DPYSL5: variants seen among roughly 807,000 people sequenced by gnomAD.
The protein encoded by DPYSL5 is dihydropyrimidinase-related protein 5.
DPYSL5 carries 9 observed loss-of-function variants against 58.4 expected under a neutral mutation model. That is an observed-to-expected ratio of 0.15 (90% CI 0.09 to 0.27). DPYSL5 has a LOEUF of 0.27. Among genes scored for constraint, DPYSL5 ranks in the 10% least tolerant of loss-of-function variants. The pLI is 1.00. For synonymous variants in DPYSL5, 293 were observed against 301.9 expected, an observed-to-expected ratio of 0.97 and a Z score of 0.31; for missense variants, 499 against 770.6, an observed-to-expected ratio of 0.65 and a Z score of 4.17.
At chr2:26,856,956 C>CATATATAATATATG (rs1558319139) in intron 1 of DPYSL5, among the ~76,000 whole-genome samples, 1 of 143,636 alleles carries the variant, frequency 7.0e-6, no homozygotes, top group Admixed American at 6.8e-5. Flanking sequence ...ATATATTATA[C>CATATATAATATATG]TAGTTTTCAA....
At chr2:26,938,855 T>C (rs6708893) in intron 8 of DPYSL5, 146,976 of 151,506 alleles carry the variant, frequency 0.97, 71,466 homozygotes, top group East Asian at 1. Flanking sequence ...CCCACCTGAC[T>C]CCCCTGCTCC....
chr2:26,893,170 C>T (rs920592940), intron 1 of DPYSL5, among the ~76,000 whole-genome samples: 4 of 152,342 alleles, frequency 2.6e-5, no homozygotes, highest in Admixed American at 2.0e-4. Flanking sequence ...CAGGCAGCAG[C>T]CCCCAAGGGC....
chr2:26,921,701 A>G (rs536335130), intron 2 of DPYSL5, among the ~76,000 whole-genome samples: 4 of 152,302 alleles, frequency 2.6e-5, no homozygotes, highest in Admixed American at 1.3e-4. Flanking sequence ...GCGAGCCTGC[A>G]GCTGGGGGAG....
chr2:26,923,502 G>T (rs994821156), intron 2 of DPYSL5, among the ~76,000 whole-genome samples: 1 of 152,106 alleles, frequency 6.6e-6, no homozygotes, highest in African/African-American at 2.4e-5. Flanking sequence ...AAGTAACCTG[G>T]CAGAGGTTAT....
chr2:26,940,460 T>G (rs1251174600), intron 9 of DPYSL5, among the ~76,000 whole-genome samples: 1 of 151,868 alleles, frequency 6.6e-6, no homozygotes, highest in Non-Finnish European at 1.5e-5. Context: ...TATTAACATT[T>G]TAATATATTT....
chr2:26,919,357 C>A (rs377599418), intron 2 of DPYSL5, among the ~76,000 whole-genome samples: 63 of 152,302 alleles, frequency 4.1e-4, no homozygotes, highest in African/African-American at 1.5e-3. Flanking sequence ...ATTAAATATA[C>A]TGAGTTTTCT....
At chr2:26,888,895 G>A (rs553000825) in intron 1 of DPYSL5, among the ~76,000 whole-genome samples, 5 of 152,108 alleles carry the variant, frequency 3.3e-5, no homozygotes, top group Non-Finnish European at 7.3e-5. Context: ...TGAAGGCTGG[G>A]AAGTCCAAGA....
chr2:26,866,530 G>A (rs1666145552), intron 1 of DPYSL5, among the ~76,000 whole-genome samples: 1 of 150,888 alleles, frequency 6.6e-6, no homozygotes, highest in Non-Finnish European at 1.5e-5. Flanking sequence ...TTCTTTCTTT[G>A]TTAAAAAATG....
At chr2:26,916,882 A>G (rs539028646) in intron 2 of DPYSL5, among the ~76,000 whole-genome samples, 1 of 152,318 alleles carries the variant, frequency 6.6e-6, no homozygotes, top group African/African-American at 2.4e-5. Flanking sequence ...TAAGATGCTT[A>G]CATTTCTTCT....
At chr2:26,900,834 T>C (rs1176400209) in intron 2 of DPYSL5, among the ~76,000 whole-genome samples, 1 of 152,154 alleles carries the variant, frequency 6.6e-6, no homozygotes, top group African/African-American at 2.4e-5. Context: ...AGGAGTCCTT[T>C]AGGCCAGGGT....
chr2:26,852,499 G>T (rs1416240628), intron 1 of DPYSL5, among the ~76,000 whole-genome samples: 1 of 152,158 alleles, frequency 6.6e-6, no homozygotes, highest in Non-Finnish European at 1.5e-5. Flanking sequence ...TTTGAAACTT[G>T]TTTCATTTAA....
At chr2:26,922,761 G>A (rs1664734600) in intron 2 of DPYSL5, among the ~76,000 whole-genome samples, 1 of 152,250 alleles carries the variant, frequency 6.6e-6, no homozygotes, top group African/African-American at 2.4e-5. Flanking sequence ...CTGTGAGGAT[G>A]AATCAGCCTG....
At chr2:26,945,517 C>A (rs1469509237) in intron 12 of DPYSL5, among the ~76,000 whole-genome samples, 2 of 151,270 alleles carry the variant, frequency 1.3e-5, no homozygotes, top group Admixed American at 6.6e-5. Context: ...CCCGTCCCCC[C>A]CCGCACCCAT....
At chr2:26,919,997 G>C (rs547646170) in intron 2 of DPYSL5, among the ~76,000 whole-genome samples, 1 of 152,094 alleles carries the variant, frequency 6.6e-6, no homozygotes, top group Admixed American at 6.5e-5. Flanking sequence ...AATATAGACA[G>C]TATGATAGAT....
chr2:26,907,632 T>A (rs908633354), intron 2 of DPYSL5, among the ~76,000 whole-genome samples: 3 of 152,086 alleles, frequency 2.0e-5, no homozygotes, highest in African/African-American at 4.8e-5. Context: ...ATCAGGAAGA[T>A]GCCCTCCATG....
In DPYSL5 at chr2:26,942,857, A is replaced by G; in HGVS notation, c.1440+107A>G. On this transcript the variant is annotated intron_variant, in intron 11 of 12. Transcript: ENST00000288699. The surrounding 1 kb of genome is among the most constrained non-coding windows in gnomAD (Gnocchi z 5.9). ...AGATGTTCACTCCAGTTTTCGACCC[A>G]ATTCCATTGCACTTTCTCCAGCGTT... 2.3e-6 allele frequency: 3 copies of G among 1,282,594 alleles called. No homozygotes were observed. The highest frequency in any genetic ancestry group is 3.3e-6 in the Non-Finnish European group (3 of 918,576). The allele number at this position is 1,282,594 out of a possible 1,614,324, so 79.5% of individuals were successfully genotyped here.
chr2:26,935,546 G>A (rs569692900), intron 8 of DPYSL5, among the ~76,000 whole-genome samples: 3 of 151,972 alleles, frequency 2.0e-5, no homozygotes, highest in East Asian at 3.9e-4. Context: ...AAAATTAGCC[G>A]GGCATGGTGG....
At chr2:26,883,276 T>G (rs939972680) in intron 1 of DPYSL5, among the ~76,000 whole-genome samples, 1 of 152,180 alleles carries the variant, frequency 6.6e-6, no homozygotes, top group Non-Finnish European at 1.5e-5. Context: ...TGATTATCAT[T>G]TCCTTGTTTT....
Position 26,942,683 on chromosome 2 carries a change from C to T in DPYSL5, c.1373C>T (p.Thr458Ile). Reference protein sequence around the residue: ...ENGVFMCAEGTGKFCPLRSFP... With the variant: ...ENGVFMCAEGIGKFCPLRSFP... ...GGCGTCTTCATGTGCGCCGAGGGCA[C>T]CGGCAAGTTCTGTCCCCTGAGGTCC... The change falls in exon 11 of 13, where the codon ACC (threonine) becomes ATC (isoleucine). Residue 458 changes from threonine (T) to isoleucine (I), a missense_variant. Physicochemically the swap from Thr to Ile is moderately conservative, Grantham distance 89. Transcript: ENST00000288699. The surrounding 1 kb of genome is among the most constrained non-coding windows in gnomAD (Gnocchi z 5.9). 2 of 1,613,998 alleles carry T rather than the reference C, an allele frequency of 1.2e-6. No individual in the cohort carries two copies. Among genetic ancestry groups the T allele is most frequent in the South Asian group, 1.1e-5 (1 of 91,080 alleles).
Sources: allele counts gnomAD v4.1 joint callset (sites outside exome capture counted in the v4.1 genomes callset), GRCh38; gene constraint gnomAD v4.1.1; non-coding constraint Gnocchi (gnomAD v3.1); transcripts MANE v1.5; gene names NCBI Gene and HGNC (gene_info 2026-07-23, HGNC 2026-07-21).